Variants in NELL1 observed in about 807,000 individuals in gnomAD.
NELL1 encodes protein kinase C-binding protein NELL1.
NELL1 carries 76 observed loss-of-function variants against 107.4 expected under a neutral mutation model. The observed-to-expected ratio is 0.71, with a 90% confidence interval of 0.59 to 0.86. The LOEUF (loss-of-function observed/expected upper bound fraction) is 0.86. Ranked by LOEUF, NELL1 falls within the 40% of genes least tolerant of loss-of-function variation. The pLI is 0.00. For missense variants in NELL1, 1,024 were observed against 1,005.5 expected (o/e 1.02, Z -0.25); for synonymous variants, 353 against 341.2 (o/e 1.03, Z -0.38).
intron 13 of NELL1, among the ~76,000 whole-genome samples, chr11:21,179,993 A>G (rs1221361099): frequency 7.0e-6 from 1 of 142,780 alleles, no homozygotes; most frequent in East Asian, 2.3e-4. Context: ...AATATATGTA[A>G]ACAAATGGGT....
intron 14 of NELL1, among the ~76,000 whole-genome samples, chr11:21,287,490 A>C (rs557130673): frequency 6.6e-6 from 1 of 152,178 alleles, no homozygotes; most frequent in African/African-American, 2.4e-5. Context: ...AAACCATCTA[A>C]TGTTCTGGCC....
intron 4 of NELL1, among the ~76,000 whole-genome samples, chr11:20,874,926 C>T (rs1849274276): frequency 6.6e-6 from 1 of 152,242 alleles, no homozygotes; most frequent in African/African-American, 2.4e-5. Flanking sequence ...TCAGACAGAA[C>T]ATCTCTGTTC....
At chr11:21,332,907 T>A (rs868806851) in intron 14 of NELL1, among the ~76,000 whole-genome samples, 1 of 152,048 alleles carries the variant, frequency 6.6e-6, no homozygotes, top group Admixed American at 6.6e-5. Context: ...ACTGAGATTA[T>A]TTTTGGTATA....
At chr11:21,034,653 G>A (rs1480638170) in intron 12 of NELL1, among the ~76,000 whole-genome samples, 1 of 152,092 alleles carries the variant, frequency 6.6e-6, no homozygotes, top group Non-Finnish European at 1.5e-5. Context: ...TAGCTTTTGG[G>A]TAAATAATGA....
intron 2 of NELL1, among the ~76,000 whole-genome samples, chr11:20,730,143 C>G (rs1263178967): frequency 3.3e-5 from 5 of 152,168 alleles, no homozygotes; most frequent in Admixed American, 2.6e-4. Flanking sequence ...GAATTACAGG[C>G]AGATCCAAGT....
intron 7 of NELL1, among the ~76,000 whole-genome samples, chr11:20,924,937 A>G (rs1394627804): frequency 6.6e-6 from 1 of 152,222 alleles, no homozygotes; most frequent in East Asian, 1.9e-4. Flanking sequence ...AAAGTTACAG[A>G]GAGTAAAACT....
At chr11:21,370,752 C>T in intron 14 of NELL1, 101 bp from the exon 15 acceptor site, 1 of 823,604 alleles carries the variant, frequency 1.2e-6, no homozygotes. Flanking sequence ...ATGTGTATTC[C>T]CTATGCAACA....
At chr11:21,321,957 C>A (rs186913817) in intron 14 of NELL1, among the ~76,000 whole-genome samples, 6 of 152,310 alleles carry the variant, frequency 3.9e-5, no homozygotes, top group Admixed American at 3.9e-4. Flanking sequence ...TAAACACCAA[C>A]TCCTGGAGTC....
At chr11:21,281,631 C>G (rs1193817236) in intron 14 of NELL1, among the ~76,000 whole-genome samples, 4 of 152,056 alleles carry the variant, frequency 2.6e-5, no homozygotes, top group African/African-American at 9.7e-5. Flanking sequence ...AAGGACTGAC[C>G]CAGCATAGTT....
At chr11:21,191,486 A>G (rs1474377342) in intron 13 of NELL1, among the ~76,000 whole-genome samples, 1 of 151,920 alleles carries the variant, frequency 6.6e-6, no homozygotes. Flanking sequence ...AGTGAGACCC[A>G]TTTTGGACTT....
intron 16 of NELL1, among the ~76,000 whole-genome samples, chr11:21,558,460 T>C (rs1182967267): frequency 6.6e-6 from 1 of 151,944 alleles, no homozygotes; most frequent in East Asian, 1.9e-4. Flanking sequence ...TTCTCAATTT[T>C]CAAGCATACA....
intron 9 of NELL1, among the ~76,000 whole-genome samples, chr11:20,932,248 A>G (rs145469961): frequency 1.1e-3 from 172 of 152,226 alleles, no homozygotes; most frequent in African/African-American, 4.0e-3. Flanking sequence ...AGGCATCAAC[A>G]TCCTGAAATC....
chr11:21,443,318 T>A (rs946316293), intron 15 of NELL1, among the ~76,000 whole-genome samples: 1 of 152,174 alleles, frequency 6.6e-6, no homozygotes, highest in Non-Finnish European at 1.5e-5. Context: ...AGATCCCACC[T>A]CTGTTGCATT....
intron 12 of NELL1, among the ~76,000 whole-genome samples, chr11:21,046,017 T>G (rs1466465494): frequency 6.6e-6 from 1 of 152,198 alleles, no homozygotes. Context: ...ATTGCAGGCA[T>G]TTAAGGATGC....
intron 3 of NELL1, among the ~76,000 whole-genome samples, chr11:20,803,411 C>T (rs1214373639): frequency 2.0e-5 from 3 of 152,062 alleles, no homozygotes; most frequent in Non-Finnish European, 2.9e-5. Context: ...TCTCCTATTT[C>T]GTCTCTGATT....
chr11:21,172,922 CTGTG>C (rs151155423), intron 13 of NELL1, among the ~76,000 whole-genome samples: 1 of 149,126 alleles, frequency 6.7e-6, no homozygotes, highest in Non-Finnish European at 1.5e-5. Flanking sequence ...GTGTGTCTGT[CTGTG>C]TGTGTGTGTG....
At chr11:21,346,102 A>T (rs1850678266) in intron 14 of NELL1, among the ~76,000 whole-genome samples, 1 of 152,202 alleles carries the variant, frequency 6.6e-6, no homozygotes, top group African/African-American at 2.4e-5. Flanking sequence ...TGAAACTAAA[A>T]ATCCAGGGAT....
chr11:20,967,569 C>G (rs1476615719), intron 12 of NELL1, among the ~76,000 whole-genome samples: 1 of 152,086 alleles, frequency 6.6e-6, no homozygotes, highest in Non-Finnish European at 1.5e-5. Context: ...TGATTCCACT[C>G]TTTTCTTTAT....
intron 2 of NELL1, among the ~76,000 whole-genome samples, chr11:20,704,633 T>C (rs988756814): frequency 6.6e-6 from 1 of 152,214 alleles, no homozygotes; most frequent in African/African-American, 2.4e-5. Flanking sequence ...GTTTTTGCAG[T>C]GGCTGGTACC....
Sources: allele counts gnomAD v4.1 joint callset (sites outside exome capture counted in the v4.1 genomes callset), GRCh38; gene constraint gnomAD v4.1.1; transcripts MANE v1.5; gene names NCBI Gene and HGNC (gene_info 2026-07-23, HGNC 2026-07-21).